Variants in CD8B2 observed in about 807,000 individuals in gnomAD.
CD8B2 encodes T-cell surface glycoprotein CD8 beta-2 chain.
In CD8B2, 11 loss-of-function variants were observed where a neutral mutation model predicts 23.7. The observed-to-expected ratio is 0.46, with a 90% CI of 0.29 to 0.77. The LOEUF (loss-of-function observed/expected upper bound fraction) is 0.77. Among genes scored for constraint, CD8B2 ranks in the 30% least tolerant of loss-of-function variants. The pLI is 0.09. For missense variants in CD8B2, 197 were observed against 270.5 expected, an observed-to-expected ratio of 0.73 and a Z score of 1.91; for synonymous variants, 90 against 109.3, an observed-to-expected ratio of 0.82 and a Z score of 1.10.
At position 106,500,620 on chromosome 2, in the gene CD8B2, A is replaced by G. The variant is rs186273476; in HGVS notation, c.494-1854A>G. Among the ~76,000 whole-genome samples the G allele has an allele frequency of 6.5e-3, 991 of 151,946 alleles. 4 individuals carry two copies. The highest frequency in any genetic ancestry group is 0.023 in the African/African-American group (936 of 41,552). On this transcript the variant is annotated intron_variant, in intron 3 of 5. Transcript: ENST00000643224. ...AGATGGGAGTTTGCATTTAGTATGT[A>G]CTTAGCACATATGTATTCAGTAAAA...
chr2:106,522,474 T>C (rs1679842269), intron 5 of CD8B2, among the ~76,000 whole-genome samples: 1 of 152,218 alleles, frequency 6.6e-6, no homozygotes, highest in African/African-American at 2.4e-5. Context: ...TATTTTGCTC[T>C]TGTGAGTTAA....
chr2:106,525,393 G>A lies in CD8B2; in HGVS notation c.621-18599G>A, dbSNP rs117058122. Among the ~76,000 whole-genome samples, 13 of 152,216 alleles carry A rather than the reference G, an allele frequency of 8.5e-5. No individual in the cohort carries two copies. The East Asian group carries it at 2.1e-3, about 25-fold the overall frequency. ...GTTTGTTCAGGGCATAGGCAGTACC[G>A]GCACCCTATCTATCATAACTTGGTC... On this transcript the variant is annotated intron_variant, in intron 5 of 5. Transcript: ENST00000416057.
intron 2 of CD8B2, among the ~76,000 whole-genome samples, chr2:106,491,707 C>T (rs1295833701): frequency 6.6e-6 from 1 of 152,128 alleles, no homozygotes; most frequent in African/African-American, 2.4e-5. Context: ...GCCACCACAC[C>T]TGGCTAATTT....
intron 5 of CD8B2, among the ~76,000 whole-genome samples, chr2:106,536,274 C>T (rs771743381): frequency 5.3e-5 from 8 of 152,032 alleles, no homozygotes; most frequent in African/African-American, 9.7e-5. Context: ...TCAGGTGATC[C>T]GCCTGCCTTG....
At chr2:106,513,306 C>A (rs917331883), downstream of CD8B2, among the ~76,000 whole-genome samples, 1 of 152,008 alleles carries the variant, frequency 6.6e-6, no homozygotes, top group Non-Finnish European at 1.5e-5. Flanking sequence ...CTTTCATTCT[C>A]ATGACCAGGG....
At chr2:106,495,468 G>A (rs1679281200) in intron 2 of CD8B2, among the ~76,000 whole-genome samples, 1 of 152,164 alleles carries the variant, frequency 6.6e-6, no homozygotes, top group African/African-American at 2.4e-5. Context: ...GAACCCGGGA[G>A]GCAAAGGTTG....
intron 5 of CD8B2, among the ~76,000 whole-genome samples, chr2:106,541,270 T>G (rs144922077): frequency 2.6e-5 from 4 of 152,294 alleles, no homozygotes; most frequent in African/African-American, 4.8e-5. Flanking sequence ...TTCTCTCTTG[T>G]TGGTGGTTAG....
At position 106,507,405 on chromosome 2, in the gene CD8B2, G is replaced by C; in HGVS notation, c.*465G>C. The C allele has an allele frequency of 3.0e-6, 3 of 986,514 alleles. No individual in the cohort carries two copies. Among genetic ancestry groups the C allele is most frequent in the Non-Finnish European group, 3.6e-6 (3 of 830,686 alleles). 61.1% of individuals were successfully genotyped at this position (986,514 alleles called of 1,614,324 possible). A position where few individuals can be genotyped will look rare whatever the true frequency, so the allele number is the denominator to read the frequency against. On this transcript the variant is annotated 3_prime_UTR_variant, in exon 6 of 6. Coordinates refer to ENST00000643224, the MANE Select transcript of CD8B2 (RefSeq NM_001349727.2). ...CTGACCTTCCTCGCAGAGAGGCCAG[G>C]TGCAGGTTGGGAATGAGGCTTGCTG...
intron 1 of CD8B2, among the ~76,000 whole-genome samples, chr2:106,489,825 C>T (rs1390046091): frequency 6.6e-6 from 1 of 152,184 alleles, no homozygotes; most frequent in African/African-American, 2.4e-5. Flanking sequence ...GGACAACAGC[C>T]CCAAGCTGTC....
In CD8B2 at chr2:106,507,148, G is replaced by T. The variant is rs1679525576; in HGVS notation, c.*208G>T. On this transcript the variant is annotated 3_prime_UTR_variant, in exon 6 of 6. Transcript: ENST00000643224. ...GGTCATCGGGAATACTAGGGAGAAG[G>T]TTTCATTGCCCCCAGGGCACTTCAC... The T allele has an allele frequency of 4.9e-6, 7 of 1,414,402 alleles. No individual in the cohort carries two copies. Among genetic ancestry groups the T allele is most frequent in the Middle Eastern group, 2.6e-4 (1 of 3,790 alleles). 87.6% of individuals were successfully genotyped at this position (1,414,402 alleles called of 1,614,324 possible). A position where few individuals can be genotyped will look rare whatever the true frequency, so the allele number is the denominator to read the frequency against.
downstream of CD8B2, among the ~76,000 whole-genome samples, chr2:106,515,055 A>T (rs561959341): frequency 6.6e-6 from 1 of 152,330 alleles, no homozygotes; most frequent in South Asian, 2.1e-4. Context: ...CTCCCAGTCC[A>T]CTGACTCAGA....
chr2:106,533,653 C>T (rs2104574580), intron 5 of CD8B2, among the ~76,000 whole-genome samples: 1 of 152,180 alleles, frequency 6.6e-6, no homozygotes, highest in Admixed American at 6.5e-5. Context: ...GAAGGATGAG[C>T]AGATAAAATG....
intron 2 of CD8B2, among the ~76,000 whole-genome samples, chr2:106,493,183 G>A (rs1197425232): frequency 2.6e-5 from 4 of 152,098 alleles, no homozygotes; most frequent in East Asian, 1.9e-4. Flanking sequence ...CTTCGGAGCC[G>A]AACCCCACCT....
At position 106,506,999 on chromosome 2, in the gene CD8B2, A is replaced by G. The variant is rs980453125; in HGVS notation, c.*59A>G. On this transcript the variant is annotated 3_prime_UTR_variant, in exon 6 of 6. Transcript: ENST00000643224. ...AAGACATCGGTCAGTAACGAGCACG[A>G]TGTGGAAAAATGAGAGAAGGGACAC... 1 of 1,542,476 alleles carries G rather than the reference A, an allele frequency of 6.5e-7. No homozygotes were observed. Among genetic ancestry groups the G allele is most frequent in the Non-Finnish European group, 8.7e-7 (1 of 1,145,054 alleles).
intron 5 of CD8B2, among the ~76,000 whole-genome samples, chr2:106,505,628 T>C (rs1432582325): frequency 2.0e-5 from 3 of 152,210 alleles, no homozygotes; most frequent in Non-Finnish European, 4.4e-5. Context: ...TAAATAGCCA[T>C]ATAAATTCAT....
Position 106,525,856 on chromosome 2 carries a change from A to G in CD8B2, c.621-18136A>G, listed in dbSNP as rs150902013. On this transcript the variant is annotated intron_variant, in intron 5 of 5. Coordinates refer to the CD8B2 transcript ENST00000416057. ...TGTGGAAACAGCAGGGAGATAAGAT[A>G]TAAGAGTCCGCAGTGAAGTGCAATG... is the stretch of plus-strand genomic sequence containing the variant. 4.6e-3 allele frequency among the ~76,000 whole-genome samples: 698 copies of G among 152,350 alleles called. 4 individuals carry two copies. Among genetic ancestry groups the G allele is most frequent in the African/African-American group, 0.016 (670 of 41,572 alleles).
intron 5 of CD8B2, among the ~76,000 whole-genome samples, chr2:106,532,391 C>T (rs571017767): frequency 6.6e-6 from 1 of 152,208 alleles, no homozygotes; most frequent in East Asian, 1.9e-4. Flanking sequence ...ATTGGTGTTA[C>T]TGGAAAGGAG....
At chr2:106,522,536 T>A (rs1558884069) in intron 5 of CD8B2, among the ~76,000 whole-genome samples, 1 of 152,202 alleles carries the variant, frequency 6.6e-6, no homozygotes, top group Non-Finnish European at 1.5e-5. Flanking sequence ...TCTTACTCTG[T>A]TCAGTCTTTG....
At chr2:106,542,778 A>G (rs1004551012) in intron 5 of CD8B2, among the ~76,000 whole-genome samples, 3 of 150,706 alleles carry the variant, frequency 2.0e-5, no homozygotes, top group Non-Finnish European at 3.0e-5. Context: ...ATAAATAAAT[A>G]TAAAAGTATA....
Sources: gnomAD v4.1 joint callset for allele counts (sites outside exome capture counted in the v4.1 genomes callset) on GRCh38, gnomAD v4.1.1 for gene constraint, MANE v1.5 for transcripts, NCBI Gene and HGNC (gene_info 2026-07-23, HGNC 2026-07-21) for gene names.